Variants in FARS2 observed in about 807,000 individuals in gnomAD.
FARS2 encodes the protein phenylalanyl-tRNA synthetase 2, mitochondrial.
FARS2 carries 40 observed loss-of-function variants against 46.4 expected under a neutral mutation model. That is an observed-to-expected ratio of 0.86 (90% confidence interval 0.67 to 1.12). The LOEUF is 1.12. Ranked by LOEUF, FARS2 falls within the 50% of genes most tolerant of loss-of-function variation. The pLI, the probability that FARS2 is intolerant of heterozygous loss-of-function variation, is 0.00. For missense variants in FARS2, 513 were observed against 567.9 expected (o/e 0.90, Z 0.98); for synonymous variants, 234 against 214.9 (o/e 1.09, Z -0.78).
chr6:5,677,421 A>G (rs1413587721), intron 6 of FARS2, among the ~76,000 whole-genome samples: 1 of 152,230 alleles, frequency 6.6e-6, no homozygotes, highest in Non-Finnish European at 1.5e-5. Context: ...AATATTGGTT[A>G]AAGAACTTGG....
chr6:5,691,996 G>A (rs1757765010), intron 6 of FARS2, among the ~76,000 whole-genome samples: 2 of 152,210 alleles, frequency 1.3e-5, no homozygotes, highest in Admixed American at 6.5e-5. Flanking sequence ...CCAGGCGCGG[G>A]ATATAATCTC....
rs77283684 is a variant in FARS2, at chr6:5,380,313, G to A, written c.612+11131G>A. ...TTTACATTCTACATTTGTTGTTGAAGGCTAAGAGGGCCTCATTAGGTTTAC... is the reference window on the plus strand; with the variant it reads ...TTTACATTCTACATTTGTTGTTGAAAGCTAAGAGGGCCTCATTAGGTTTAC... On this transcript the variant is annotated intron_variant, in intron 2 of 6. Transcript: ENST00000274680. Among the ~76,000 whole-genome samples the A allele has an allele frequency of 1.5e-3, 224 of 152,266 alleles. 2 individuals carry two copies. The highest frequency in any genetic ancestry group is 6.8e-3 in the Middle Eastern group (2 of 294).
At chr6:5,582,667 G>C (rs1773402755) in intron 5 of FARS2, among the ~76,000 whole-genome samples, 1 of 152,218 alleles carries the variant, frequency 6.6e-6, no homozygotes. Flanking sequence ...CTCTAAGTTT[G>C]TGTGTATATA....
intron 4 of FARS2, among the ~76,000 whole-genome samples, chr6:5,458,574 C>T (rs2150292700): frequency 6.6e-6 from 1 of 152,180 alleles, no homozygotes; most frequent in Non-Finnish European, 1.5e-5. Context: ...AGAGATCAGG[C>T]CCATCAGCCC....
intron 3 of FARS2, among the ~76,000 whole-genome samples, chr6:5,426,240 T>A (rs1762842992): frequency 6.6e-6 from 1 of 152,188 alleles, no homozygotes; most frequent in Non-Finnish European, 1.5e-5. Context: ...TGCACTTAAT[T>A]TTCCTCTATA....
chr6:5,758,199 G>GC (rs1762307802), intron 6 of FARS2, among the ~76,000 whole-genome samples: 1 of 147,678 alleles, frequency 6.8e-6, no homozygotes. Flanking sequence ...AATGCAGCCA[G>GC]TTTTTTTTTT....
At chr6:5,622,869 A>G (rs553901651) in intron 6 of FARS2, among the ~76,000 whole-genome samples, 1 of 152,350 alleles carries the variant, frequency 6.6e-6, no homozygotes, top group Admixed American at 6.5e-5. Flanking sequence ...CAATGTTTAT[A>G]TCAGTGGAGG....
At chr6:5,296,129 C>CTTTTTTTTTTTTTTTTTTTTTTTTTT (rs70974187) in intron 1 of FARS2, among the ~76,000 whole-genome samples, 2 of 55,040 alleles carry the variant, frequency 3.6e-5, no homozygotes, top group African/African-American at 1.8e-4. Context: ...TCATTTTGGC[C>CTTTTTTTTTTTTTTTTTTTTTTTTTT]TTTTTTTTTT....
At chr6:5,439,850 G>A (rs1257374102) in intron 4 of FARS2, among the ~76,000 whole-genome samples, 3 of 152,034 alleles carry the variant, frequency 2.0e-5, no homozygotes, top group Admixed American at 6.6e-5. Context: ...TTCCTTCTCC[G>A]TTCCTTTCTT....
intron 4 of FARS2, among the ~76,000 whole-genome samples, chr6:5,542,718 C>G (rs1485106566): frequency 6.6e-6 from 1 of 152,156 alleles, no homozygotes; most frequent in African/African-American, 2.4e-5. Context: ...TTTGAAACTA[C>G]CAAAGTGGTT....
chr6:5,646,615 C>T (rs1193759940), intron 6 of FARS2, among the ~76,000 whole-genome samples: 2 of 152,048 alleles, frequency 1.3e-5, no homozygotes, highest in African/African-American at 4.8e-5. Flanking sequence ...GTTTCAGGAC[C>T]CCCAGCAGAT....
chr6:5,252,371 T>C, the FARS2 span, among the ~76,000 whole-genome samples: 1 of 152,232 alleles, frequency 6.6e-6, no homozygotes, highest in Non-Finnish European at 1.5e-5. Context: ...CACTCTGCCT[T>C]GAAACCTATT....
At chr6:5,392,888 CAT>C (rs1491559611) in intron 2 of FARS2, among the ~76,000 whole-genome samples, 7 of 143,236 alleles carry the variant, frequency 4.9e-5, no homozygotes, top group Admixed American at 2.1e-4. Context: ...TGTATATATA[CAT>C]ATATGTGTGT....
intron 1 of FARS2, among the ~76,000 whole-genome samples, chr6:5,338,636 G>A (rs1241435998): frequency 1.4e-5 from 2 of 139,014 alleles, no homozygotes; most frequent in Non-Finnish European, 3.0e-5. Context: ...ATTATCTCAG[G>A]TATGAGTTCT....
At chr6:5,537,879 C>CA (rs1770319173) in intron 4 of FARS2, among the ~76,000 whole-genome samples, 8 of 151,354 alleles carry the variant, frequency 5.3e-5, no homozygotes, top group Admixed American at 5.3e-4. Context: ...TTCTCCTCTC[C>CA]TTTTTTTTTA....
intron 2 of FARS2, among the ~76,000 whole-genome samples, chr6:5,371,998 A>G (rs893261681): frequency 6.6e-6 from 1 of 152,124 alleles, no homozygotes; most frequent in Non-Finnish European, 1.5e-5. Context: ...AATAATTATC[A>G]AAAGAAAGTT....
At chr6:5,667,531 A>AAGATC (rs75753357) in intron 6 of FARS2, among the ~76,000 whole-genome samples, 1 of 150,584 alleles carries the variant, frequency 6.6e-6, no homozygotes. Context: ...AAAAAAAAAA[A>AAGATC]AAGATTATAT....
chr6:5,731,921 G>A (rs1391373410), intron 6 of FARS2, among the ~76,000 whole-genome samples: 1 of 152,054 alleles, frequency 6.6e-6, no homozygotes, highest in African/African-American at 2.4e-5. Flanking sequence ...GGCTGTATGA[G>A]ACTCTCACGC....
intron 3 of FARS2, among the ~76,000 whole-genome samples, chr6:5,429,202 C>G (rs2875985): frequency 0.66 from 100,011 of 151,982 alleles, 33,663 homozygotes; most frequent in East Asian, 0.91. Context: ...ATATCTGTGT[C>G]AACATTTGTC....
Sources: allele counts gnomAD v4.1 joint callset (sites outside exome capture counted in the v4.1 genomes callset), GRCh38; gene constraint gnomAD v4.1.1; transcripts MANE v1.5; gene names NCBI Gene and HGNC (gene_info 2026-07-23, HGNC 2026-07-21).